The following C2orf49 variants were observed in gnomAD, a reference collection of about 807,000 sequenced individuals.
C2orf49 encodes tRNA splicing ligase complex subunit 2, also known as tRNA-splicing ligase complex subunit ASW.
A neutral mutation model predicts 20.6 loss-of-function variants in C2orf49; 11 were observed. The observed-to-expected ratio is 0.53, with a 90% CI of 0.34 to 0.88. The LOEUF is 0.88. Ranked by LOEUF, C2orf49 falls within the 40% of genes least tolerant of loss-of-function variation. The probability of loss-of-function intolerance (pLI) is 0.02; values close to 1 mark genes in which losing one functional copy is unlikely to be tolerated. For missense variants in C2orf49, 289 were observed against 274.2 expected (o/e 1.05, Z -0.38); for synonymous variants, 134 against 108.5 (o/e 1.24, Z -1.46).
the C2orf49 span, among the ~76,000 whole-genome samples, chr2:105,355,399 C>A: frequency 2.6e-5 from 4 of 152,116 alleles, no homozygotes; most frequent in Non-Finnish European, 4.4e-5. Context: ...ATCGTCTCTG[C>A]AGGAAGACAT....
At chr2:105,367,679 C>T in the C2orf49 span, 145 of 1,614,196 alleles carry the variant, frequency 9.0e-5, no homozygotes, top group Admixed American at 1.8e-4. Flanking sequence ...CTGCTGGCAG[C>T]GGTGGCAGAT....
At chr2:105,371,799 A>G in the C2orf49 span, among the ~76,000 whole-genome samples, 1 of 152,158 alleles carries the variant, frequency 6.6e-6, no homozygotes, top group Non-Finnish European at 1.5e-5. Flanking sequence ...TAAGGGTTTA[A>G]TTTGTTTTTC....
chr2:105,352,575 G>A (rs2679867), downstream of C2orf49, among the ~76,000 whole-genome samples: 20,878 of 151,200 alleles, frequency 0.14, 1,788 homozygotes, highest in South Asian at 0.24. Flanking sequence ...CTCCCAAGTA[G>A]CTGGGACTAT....
At chr2:105,343,470 T>C (rs1215824251) in intron 3 of C2orf49, among the ~76,000 whole-genome samples, 2 of 152,258 alleles carry the variant, frequency 1.3e-5, no homozygotes, top group Non-Finnish European at 2.9e-5. Flanking sequence ...AGAGAGGATC[T>C]GTTAGGCAGT....
At chr2:105,363,007 C>T in the C2orf49 span, 1 of 398,246 alleles carries the variant, frequency 2.5e-6, no homozygotes, top group Non-Finnish European at 4.6e-6. Flanking sequence ...GGCTCACAGA[C>T]TGCAGTTTTA....
At chr2:105,349,421 C>A (rs1276895053), downstream of C2orf49, among the ~76,000 whole-genome samples, 1 of 152,124 alleles carries the variant, frequency 6.6e-6, no homozygotes, top group African/African-American at 2.4e-5. Flanking sequence ...CACATAGATT[C>A]TTCATTTTTT....
chr2:105,350,853 G>T (rs1679915755), downstream of C2orf49, among the ~76,000 whole-genome samples: 1 of 152,054 alleles, frequency 6.6e-6, no homozygotes, highest in Admixed American at 6.6e-5. Context: ...CATTCATATG[G>T]TACCTTTGTT....
the C2orf49 span, among the ~76,000 whole-genome samples, chr2:105,364,034 A>C: frequency 6.6e-6 from 1 of 152,184 alleles, no homozygotes; most frequent in African/African-American, 2.4e-5. Context: ...AGGCAGGTGG[A>C]TCACTTGAGG....
At chr2:105,351,497 A>T (rs987384997), downstream of C2orf49, among the ~76,000 whole-genome samples, 4 of 152,154 alleles carry the variant, frequency 2.6e-5, no homozygotes, top group Non-Finnish European at 5.9e-5. Context: ...GATTTATGTC[A>T]GTATGACTCA....
the C2orf49 span, chr2:105,373,773 A>C: frequency 3.1e-6 from 5 of 1,609,974 alleles, no homozygotes; most frequent in South Asian, 4.4e-5. Context: ...GAGGCAGGAC[A>C]GGAGGGCTTG....
Position 105,337,585 on chromosome 2 carries a change from A to G in C2orf49, c.-3A>G, listed in dbSNP as rs753530317. On this transcript the variant is annotated 5_prime_UTR_variant, in exon 1 of 4. Coordinates refer to ENST00000258457, the MANE Select transcript of C2orf49 (RefSeq NM_024093.3). Reference sequence around the variant, plus strand: ...AGCCGACTGGGGTCTCCTGGCGACGACCATGGCGGGGGATGTGGGCGGTCG... The same window carrying G: ...AGCCGACTGGGGTCTCCTGGCGACGGCCATGGCGGGGGATGTGGGCGGTCG... The G allele has an allele frequency of 3.7e-6, 6 of 1,613,174 alleles. No homozygotes were observed. Among genetic ancestry groups the G allele is most frequent in the Non-Finnish European group, 5.1e-6 (6 of 1,179,952 alleles).
At chr2:105,342,748 A>C in intron 2 of C2orf49, 100 bp from the exon 3 acceptor site, 1 of 1,250,082 alleles carries the variant, frequency 8.0e-7, no homozygotes, top group Non-Finnish European at 1.1e-6. Flanking sequence ...TAGTCTTATC[A>C]GAAAATCTTT....
At chr2:105,355,078 G>A in the C2orf49 span, among the ~76,000 whole-genome samples, 81 of 152,302 alleles carry the variant, frequency 5.3e-4, no homozygotes, top group African/African-American at 1.9e-3. Flanking sequence ...GGAGAGAGAA[G>A]TCAAATCTCT....
At chr2:105,367,506 C>CA in the C2orf49 span, 6 of 1,495,806 alleles carry the variant, frequency 4.0e-6, no homozygotes, top group Admixed American at 2.0e-5. Flanking sequence ...AGAGAACTGA[C>CA]AGACATGGAC....
the C2orf49 span, among the ~76,000 whole-genome samples, chr2:105,371,199 G>C: frequency 6.6e-6 from 1 of 152,024 alleles, no homozygotes; most frequent in South Asian, 2.1e-4. Context: ...CAGTTGTTTG[G>C]TCAAAAAACA....
At chr2:105,361,495 A>C in the C2orf49 span, 105 of 1,483,300 alleles carry the variant, frequency 7.1e-5, no homozygotes, top group Non-Finnish European at 9.6e-5. Context: ...ACTGGGACTG[A>C]AGAAGGAATT....
chr2:105,366,802 G>A, the C2orf49 span, among the ~76,000 whole-genome samples: 2 of 152,210 alleles, frequency 1.3e-5, no homozygotes, highest in African/African-American at 4.8e-5. Context: ...CTGGAGTGCA[G>A]TGGTGGGATC....
chr2:105,355,768 TTTTGTGTGTGTGTGTG>T, the C2orf49 span, among the ~76,000 whole-genome samples: 5 of 100,478 alleles, frequency 5.0e-5, no homozygotes, highest in South Asian at 3.1e-4. Context: ...GGAGAAAAAA[TTTTGTGTGTGTGTGTG>T]TGTGTGTGTG....
chr2:105,341,522 T>G (rs1425289385), intron 2 of C2orf49, among the ~76,000 whole-genome samples: 2 of 152,168 alleles, frequency 1.3e-5, no homozygotes, highest in Non-Finnish European at 2.9e-5. Context: ...TTCTCAAACT[T>G]TAATGTGCTT....
Sources: gnomAD v4.1 joint callset for allele counts (sites outside exome capture counted in the v4.1 genomes callset) on GRCh38, gnomAD v4.1.1 for gene constraint, MANE v1.5 for transcripts, NCBI Gene and HGNC (gene_info 2026-07-23, HGNC 2026-07-21) for gene names.